The following ADAM12 variants were observed in gnomAD, a reference collection of about 807,000 sequenced individuals.
The protein encoded by ADAM12 is ADAM metallopeptidase domain 12.
A neutral mutation model predicts 106.4 loss-of-function variants in ADAM12; 70 were observed. The observed-to-expected ratio is 0.66, with a 90% CI of 0.54 to 0.80. The LOEUF is 0.80. Among genes scored for constraint, ADAM12 ranks in the 30% least tolerant of loss-of-function variants. The pLI is 0.00. For missense variants in ADAM12, 1,010 were observed against 1,171.9 expected (o/e 0.86, Z 2.02); for synonymous variants, 420 against 433.5 (o/e 0.97, Z 0.39).
intron 13 of ADAM12, among the ~76,000 whole-genome samples, chr10:126,065,304 A>G (rs1033091300): frequency 6.6e-6 from 1 of 152,336 alleles, no homozygotes; most frequent in South Asian, 2.1e-4. Context: ...TCAGAGGAAG[A>G]AGAAGGAGGG....
At chr10:126,169,585 C>G (rs760133991) in intron 3 of ADAM12, among the ~76,000 whole-genome samples, 7 of 152,048 alleles carry the variant, frequency 4.6e-5, no homozygotes, top group Non-Finnish European at 7.4e-5. Flanking sequence ...TCTTTCTACT[C>G]TAAAAAAAAT....
chr10:126,174,510 T>C (rs1026947601), intron 3 of ADAM12, among the ~76,000 whole-genome samples: 1 of 152,068 alleles, frequency 6.6e-6, no homozygotes, highest in African/African-American at 2.4e-5. Context: ...TTTCCCTATA[T>C]TTTTATTAAC....
intron 4 of ADAM12, among the ~76,000 whole-genome samples, chr10:126,142,158 C>T (rs995205251): frequency 1.3e-5 from 2 of 152,044 alleles, no homozygotes; most frequent in East Asian, 3.9e-4. Flanking sequence ...GAAAAGCTGC[C>T]GAGACCAGCT....
chr10:126,066,756 G>T lies in ADAM12; in HGVS notation c.1374C>A (p.Asp458Glu). 1.2e-6 allele frequency: 2 copies of T among 1,614,188 alleles called. No individual in the cohort carries two copies. The highest frequency in any genetic ancestry group is 1.1e-5 in the South Asian group (1 of 91,082). ...AGCACAGCCCATGTGCGCACACAGC[G>T]TCCGGCTTCAGGGTACAGGTGGTGG... Reference protein sequence around the residue: ...CNATTCTLKPDAVCAHGLCCE... With the variant: ...CNATTCTLKPEAVCAHGLCCE... The change falls in exon 13 of 23, where the codon GAC becomes GAA. Residue 458 changes from aspartate to glutamate, a missense_variant. Physicochemically the swap from Asp to Glu is conservative, Grantham distance 45. Transcript: ENST00000448723. This position sits in a 1 kb window ranked among gnomAD's most constrained non-coding sequence, Gnocchi z 5.1.
intron 4 of ADAM12, among the ~76,000 whole-genome samples, chr10:126,152,585 T>C (rs934849020): frequency 6.6e-6 from 1 of 151,982 alleles, no homozygotes. Flanking sequence ...TTTGCTTTTT[T>C]TTTAATTAAG....
At chr10:126,132,061 C>T (rs775968904) in intron 5 of ADAM12, among the ~76,000 whole-genome samples, 2 of 151,820 alleles carry the variant, frequency 1.3e-5, no homozygotes, top group Non-Finnish European at 2.9e-5. Context: ...CTGCAACCCC[C>T]GCCTCCCGGG....
chr10:126,276,600 T>C (rs1334314218), intron 3 of ADAM12, among the ~76,000 whole-genome samples: 4 of 152,230 alleles, frequency 2.6e-5, no homozygotes, highest in African/African-American at 9.6e-5. Flanking sequence ...ATCCTCTTAT[T>C]ATGAAAATGT....
At chr10:126,119,871 T>C (rs1956053893) in intron 5 of ADAM12, among the ~76,000 whole-genome samples, 1 of 152,232 alleles carries the variant, frequency 6.6e-6, no homozygotes, top group Admixed American at 6.5e-5. Flanking sequence ...TTCATTTCTC[T>C]CTTTGCTAAG....
chr10:126,235,723 G>C (rs1346306529), intron 3 of ADAM12, among the ~76,000 whole-genome samples: 1 of 152,184 alleles, frequency 6.6e-6, no homozygotes, highest in Non-Finnish European at 1.5e-5. Context: ...AGGGAAGAAA[G>C]GGCTCCATTG....
At chr10:126,254,363 C>T (rs1243619743) in intron 3 of ADAM12, among the ~76,000 whole-genome samples, 1 of 152,176 alleles carries the variant, frequency 6.6e-6, no homozygotes, top group African/African-American at 2.4e-5. Context: ...GTGAAAATGC[C>T]AAGCGCAAGT....
chr10:126,266,422 T>C lies in ADAM12; in HGVS notation c.260+12493A>G, dbSNP rs191165719. 2.4e-3 allele frequency among the ~76,000 whole-genome samples: 365 copies of C among 152,242 alleles called. 1 individual carries two copies. The highest frequency in any genetic ancestry group is 8.0e-3 in the African/African-American group (333 of 41,546). On this transcript the variant is annotated intron_variant, in intron 3 of 22. Coordinates refer to ENST00000448723, the MANE Select transcript of ADAM12 (RefSeq NM_001288973.2). Reference sequence around the variant, plus strand: ...AATAGGGGCAGTCACAGGAAGCTGCTTGCAGGAAGGAAGATGATGAGACCT... The same window carrying C: ...AATAGGGGCAGTCACAGGAAGCTGCCTGCAGGAAGGAAGATGATGAGACCT...
chr10:126,136,153 C>A (rs1256267396), intron 4 of ADAM12, among the ~76,000 whole-genome samples: 1 of 145,466 alleles, frequency 6.9e-6, no homozygotes, highest in African/African-American at 2.5e-5. Context: ...CTGAATTACC[C>A]AATTGAGAGC....
In ADAM12 at chr10:126,066,338, T is replaced by C. The variant is rs192089038; in HGVS notation, c.1413+379A>G. Among the ~76,000 whole-genome samples the C allele has an allele frequency of 6.6e-6, 1 of 152,344 alleles. No individual in the cohort carries two copies. The highest frequency in any genetic ancestry group is 6.5e-5 in the Admixed American group (1 of 15,302). ...GCAGATGTCCGCGGGATCAAGAAGA[T>C]GAACCTGGGGGAACCTGAGTGACAG... On this transcript the variant is annotated intron_variant, in intron 13 of 22. Transcript: ENST00000448723. The surrounding 1 kb of genome is among the most constrained non-coding windows in gnomAD (Gnocchi z 5.1).
chr10:126,194,892 T>C (rs1466847442), intron 3 of ADAM12, among the ~76,000 whole-genome samples: 7 of 152,214 alleles, frequency 4.6e-5, no homozygotes, highest in Admixed American at 4.6e-4. Flanking sequence ...TCAGACCTCA[T>C]GTGGCCCCCA....
rs146481829 is a variant in ADAM12 at position 126,247,545 on chromosome 10, C to T, written c.260+31370G>A. On this transcript the variant is annotated intron_variant, in intron 3 of 22. Coordinates refer to ENST00000448723, the MANE Select transcript of ADAM12 (RefSeq NM_001288973.2). Reference sequence around the variant, plus strand: ...GTGACGTATGGGCAATCCCAGCGCCCGGCTCAGTCCTGAGAAACTCATGTG... The same window carrying T: ...GTGACGTATGGGCAATCCCAGCGCCTGGCTCAGTCCTGAGAAACTCATGTG... 3.6e-3 allele frequency among the ~76,000 whole-genome samples: 551 copies of T among 152,284 alleles called. 4 individuals are homozygous for T. Among genetic ancestry groups the T allele is most frequent in the African/African-American group, 0.013 (524 of 41,558 alleles).
At chr10:126,240,034 G>A (rs1333169181) in intron 3 of ADAM12, among the ~76,000 whole-genome samples, 2 of 152,146 alleles carry the variant, frequency 1.3e-5, no homozygotes, top group African/African-American at 2.4e-5. Flanking sequence ...TGCTCTGCCC[G>A]GAGTCGACTC....
intron 5 of ADAM12, among the ~76,000 whole-genome samples, chr10:126,131,535 G>T (rs1019249113): frequency 6.6e-6 from 1 of 152,152 alleles, no homozygotes; most frequent in African/African-American, 2.4e-5. Flanking sequence ...AGCTGATCAG[G>T]CTTAGATGAG....
At position 126,259,495 on chromosome 10, in the gene ADAM12, C is replaced by T. The variant is rs369986430; in HGVS notation, c.260+19420G>A. Among the ~76,000 whole-genome samples, 9 of 152,304 alleles carry T rather than the reference C, an allele frequency of 5.9e-5. No homozygotes were observed. The East Asian group carries it at 1.4e-3, about 23-fold the overall frequency. ...GCTTTCTTACTAACAAAAATAAAGG[C>T]CACTCATTTCTTTGTTCACTCAAAA... On this transcript the variant is annotated intron_variant, in intron 3 of 22. Transcript: ENST00000448723.
At chr10:126,074,032 ACTT>A (rs1955052109) in intron 11 of ADAM12, among the ~76,000 whole-genome samples, 1 of 152,340 alleles carries the variant, frequency 6.6e-6, no homozygotes, top group Non-Finnish European at 1.5e-5. Flanking sequence ...ACAGATGGAA[ACTT>A]CTTCTGTATC....
Sources: gnomAD v4.1 joint callset for allele counts (sites outside exome capture counted in the v4.1 genomes callset) on GRCh38, gnomAD v4.1.1 for gene constraint, Gnocchi (gnomAD v3.1) non-coding constraint, MANE v1.5 for transcripts, NCBI Gene and HGNC (gene_info 2026-07-23, HGNC 2026-07-21) for gene names.